Variants in ADAMTS19 observed in about 807,000 individuals in gnomAD.
ADAMTS19 encodes the protein A disintegrin and metalloproteinase with thrombospondin motifs 19.
ADAMTS19 carries 93 observed loss-of-function variants against 153.3 expected under a neutral mutation model. The observed-to-expected ratio is 0.61, with a 90% CI of 0.51 to 0.72. ADAMTS19 has a LOEUF of 0.72. ADAMTS19 is among the 30% of genes least tolerant of loss of function. The pLI is 0.00. For missense variants in ADAMTS19, 1,482 were observed against 1,552.1 expected, an observed-to-expected ratio of 0.95 and a Z score of 0.76; for synonymous variants, 600 against 556.6, an observed-to-expected ratio of 1.08 and a Z score of -1.10.
chr5:129,486,973 A>G (rs1174081685), intron 2 of ADAMTS19, among the ~76,000 whole-genome samples: 2 of 152,166 alleles, frequency 1.3e-5, no homozygotes, highest in Admixed American at 6.5e-5. Context: ...TGCATTTATC[A>G]CAGTCCTTCT....
rs1750985273 is a variant in ADAMTS19, at chr5:129,498,150, G to A, written c.748-10927G>A. On this transcript the variant is annotated intron_variant, in intron 2 of 22. Transcript: ENST00000274487. ...GTTTTTAACTGAGTTTGGCTTGTAT[G>A]TAGGTTTTCCTAATAGACTTTACAC... 2.6e-5 allele frequency among the ~76,000 whole-genome samples: 4 copies of A among 152,050 alleles called. No homozygotes were observed. The South Asian group carries it at 8.3e-4, about 31-fold the overall frequency.
chr5:129,735,192 T>C, intron 22 of ADAMTS19, 83 bp downstream of exon 22: 2 of 1,292,904 alleles, frequency 1.5e-6, no homozygotes, highest in South Asian at 1.8e-5. Flanking sequence ...ACTTTAAACC[T>C]TGATAGTTGT....
chr5:129,664,837 C>G (rs1753969316), intron 15 of ADAMTS19, among the ~76,000 whole-genome samples: 1 of 152,058 alleles, frequency 6.6e-6, no homozygotes, highest in Non-Finnish European at 1.5e-5. Context: ...TTTACCTTAT[C>G]ATTTTATTTC....
intron 21 of ADAMTS19, among the ~76,000 whole-genome samples, chr5:129,707,450 G>T (rs1405720588): frequency 1.3e-5 from 2 of 152,146 alleles, no homozygotes; most frequent in African/African-American, 4.8e-5. Context: ...CAGCATCACA[G>T]ACTCAAACAG....
chr5:129,731,266 A>T (rs1757434271), intron 21 of ADAMTS19, among the ~76,000 whole-genome samples: 1 of 152,022 alleles, frequency 6.6e-6, no homozygotes. Flanking sequence ...CCTAAGATAC[A>T]ATTTTGTAAA....
Position 129,701,498 on chromosome 5 carries a change from G to T in ADAMTS19, c.3065G>T (p.Arg1022Leu). ...QLSNGTLIRA[R>L]ERDCIGPKPA... ...AGCAATGGAACACTGATTAGAGCCC[G>T]AGAGAGGGACTGCATTGGGCCCAAG... Residue 1022 changes from arginine (R) to leucine (L), a missense_variant, in exon 20 of 23, where the codon CGA becomes CTA. Arg to Leu is a moderately radical substitution (Grantham distance 102). Transcript: ENST00000274487. 1 of 1,614,184 alleles carries T rather than the reference G, an allele frequency of 6.2e-7. No individual in the cohort carries two copies. Among genetic ancestry groups the T allele is most frequent in the Non-Finnish European group, 8.5e-7 (1 of 1,180,032 alleles).
At chr5:129,611,825 G>A (rs1751234563) in intron 8 of ADAMTS19, among the ~76,000 whole-genome samples, 1 of 152,038 alleles carries the variant, frequency 6.6e-6, no homozygotes, top group South Asian at 2.1e-4. Flanking sequence ...AGGAAAAAAT[G>A]TTAAGGGCAG....
chr5:129,535,413 A>G (rs375223020), intron 6 of ADAMTS19, among the ~76,000 whole-genome samples: 1 of 152,186 alleles, frequency 6.6e-6, no homozygotes, highest in African/African-American at 2.4e-5. Context: ...AATAAAAGAG[A>G]ATACAAACAA....
At chr5:129,513,601 C>T (rs1426670638) in intron 3 of ADAMTS19, among the ~76,000 whole-genome samples, 3 of 151,836 alleles carry the variant, frequency 2.0e-5, no homozygotes, top group African/African-American at 7.3e-5. Flanking sequence ...TTTCTATAAT[C>T]CTTTGAGGTA....
chr5:129,628,575 A>C (rs554260709), intron 10 of ADAMTS19, among the ~76,000 whole-genome samples: 1 of 152,210 alleles, frequency 6.6e-6, no homozygotes, highest in South Asian at 2.1e-4. Flanking sequence ...CTATATGGGA[A>C]TGCCTGAATA....
At chr5:129,725,340 G>C (rs1210162543) in intron 21 of ADAMTS19, among the ~76,000 whole-genome samples, 1 of 151,942 alleles carries the variant, frequency 6.6e-6, no homozygotes, top group Non-Finnish European at 1.5e-5. Flanking sequence ...TCTTCTTTTG[G>C]GGTGAGCTGT....
At position 129,641,952 on chromosome 5, in the gene ADAMTS19, C is replaced by A; in HGVS notation, c.1864C>A (p.Leu622Ile). Residue 622 changes from leucine to isoleucine, a missense_variant, in exon 11 of 23, where the codon CTT (leucine) becomes ATT (isoleucine). Coordinates refer to ENST00000274487, the MANE Select transcript of ADAMTS19 (RefSeq NM_133638.6). ...ACCAATGGATGGAACTGACTGTGAC[C>A]TTGGTAAGGTAAGTCATTTGTGTTG... ...DPPMDGTDCD[L>I]GKWCKAGECT... 1 of 1,587,796 alleles carries A rather than the reference C, an allele frequency of 6.3e-7. No homozygotes were observed. The highest frequency in any genetic ancestry group is 8.6e-7 in the Non-Finnish European group (1 of 1,163,922).
At chr5:129,541,686 T>C (rs1035557909) in intron 6 of ADAMTS19, among the ~76,000 whole-genome samples, 1 of 152,090 alleles carries the variant, frequency 6.6e-6, no homozygotes, top group African/African-American at 2.4e-5. Context: ...GCCTTTCAAG[T>C]AGAAGCCTAT....
At chr5:129,532,325 A>C (rs1752235275) in intron 6 of ADAMTS19, among the ~76,000 whole-genome samples, 1 of 152,202 alleles carries the variant, frequency 6.6e-6, no homozygotes, top group African/African-American at 2.4e-5. Flanking sequence ...CCTTTTAAAA[A>C]TAAGAAGAAG....
At chr5:129,578,693 T>C (rs1310048275) in intron 7 of ADAMTS19, among the ~76,000 whole-genome samples, 2 of 152,150 alleles carry the variant, frequency 1.3e-5, no homozygotes, top group African/African-American at 4.8e-5. Flanking sequence ...CATGTGGTAT[T>C]TGGATTTCTG....
At chr5:129,473,653 T>G (rs1750136059) in intron 2 of ADAMTS19, among the ~76,000 whole-genome samples, 1 of 152,148 alleles carries the variant, frequency 6.6e-6, no homozygotes, top group African/African-American at 2.4e-5. Context: ...CTAACATGGA[T>G]AATTTCTCTG....
chr5:129,609,616 C>T (rs558426328), intron 8 of ADAMTS19, among the ~76,000 whole-genome samples: 37 of 152,196 alleles, frequency 2.4e-4, no homozygotes, highest in African/African-American at 7.5e-4. Context: ...ATTTAGACAA[C>T]GATACCACGT....
chr5:129,481,817 C>A (rs1750421735), intron 2 of ADAMTS19, among the ~76,000 whole-genome samples: 1 of 152,174 alleles, frequency 6.6e-6, no homozygotes, highest in South Asian at 2.1e-4. Flanking sequence ...GGTCTTTATA[C>A]ACACTACGTA....
chr5:129,561,768 ATTAG>A (rs536035305), intron 7 of ADAMTS19, among the ~76,000 whole-genome samples: 223 of 152,178 alleles, frequency 1.5e-3, no homozygotes, highest in Non-Finnish European at 2.6e-3. Context: ...ATTGGAATAT[ATTAG>A]TTCACTGAGT....
Sources: gnomAD v4.1 joint callset for allele counts (sites outside exome capture counted in the v4.1 genomes callset) on GRCh38, gnomAD v4.1.1 for gene constraint, MANE v1.5 for transcripts, NCBI Gene and HGNC (gene_info 2026-07-23, HGNC 2026-07-21) for gene names.